USH2A: variants seen among roughly 807,000 people sequenced by gnomAD.
USH2A encodes Usher syndrome 2A (autosomal recessive, mild).
In USH2A, 443 loss-of-function variants were observed where a neutral mutation model predicts 538.9. That is an observed-to-expected ratio of 0.82 (90% CI 0.76 to 0.89). The LOEUF (loss-of-function observed/expected upper bound fraction) is 0.89, where lower values mean the gene tolerates loss of function less well. Among genes scored for constraint, USH2A ranks in the 40% least tolerant of loss-of-function variants. The probability of loss-of-function intolerance (pLI) is 0.00; values close to 1 mark genes in which losing one functional copy is unlikely to be tolerated. For missense variants in USH2A, 6,633 were observed against 6,324.8 expected (o/e 1.05, Z -1.65); for synonymous variants, 2,413 against 2,273.5 (o/e 1.06, Z -1.75).
intron 49 of USH2A, among the ~76,000 whole-genome samples, chr1:215,805,889 A>G (rs1255251013): frequency 6.6e-6 from 1 of 151,236 alleles, no homozygotes; most frequent in African/African-American, 2.4e-5. Flanking sequence ...GGGCACCTCT[A>G]TGTCTAGTCT....
intron 58 of USH2A, among the ~76,000 whole-genome samples, chr1:215,757,878 C>CCAA: frequency 1.3e-5 from 2 of 152,164 alleles, no homozygotes; most frequent in Non-Finnish European, 2.9e-5. Flanking sequence ...CCAAACTCCC[C>CCAA]ATTCACTGAT....
At chr1:216,038,617 G>T (rs2030107219) in intron 32 of USH2A, among the ~76,000 whole-genome samples, 1 of 151,890 alleles carries the variant, frequency 6.6e-6, no homozygotes, top group African/African-American at 2.4e-5. Flanking sequence ...AGCTTTACAG[G>T]GTGCTGACAA....
chr1:216,367,531 C>T (rs2038622578), intron 3 of USH2A, among the ~76,000 whole-genome samples: 1 of 152,084 alleles, frequency 6.6e-6, no homozygotes, highest in African/African-American at 2.4e-5. Context: ...AGTTCAGGAC[C>T]TTCTTTTTTA....
At chr1:215,952,005 C>T (rs1157613758) in intron 37 of USH2A, among the ~76,000 whole-genome samples, 1 of 151,384 alleles carries the variant, frequency 6.6e-6, no homozygotes, top group Non-Finnish European at 1.5e-5. Context: ...GCTGGGACTA[C>T]AGGCGCCCGC....
intron 11 of USH2A, among the ~76,000 whole-genome samples, chr1:216,273,306 G>T (rs1267759001): frequency 6.6e-6 from 1 of 152,036 alleles, no homozygotes; most frequent in African/African-American, 2.4e-5. Flanking sequence ...GGGAACTGAA[G>T]AGCCGAGGGC....
intron 11 of USH2A, among the ~76,000 whole-genome samples, chr1:216,286,757 A>AT: frequency 6.6e-6 from 1 of 151,724 alleles, no homozygotes; most frequent in Non-Finnish European, 1.5e-5. Context: ...ATAAAAACCT[A>AT]TTTTTCTTTA....
intron 56 of USH2A, among the ~76,000 whole-genome samples, chr1:215,761,242 T>C (rs1235403645): frequency 6.6e-6 from 1 of 152,226 alleles, no homozygotes; most frequent in East Asian, 1.9e-4. Context: ...TGTTCTCATA[T>C]GTTCTCATAG....
intron 64 of USH2A, among the ~76,000 whole-genome samples, chr1:215,663,977 T>C (rs1024028647): frequency 9.2e-5 from 14 of 152,068 alleles, no homozygotes; most frequent in Admixed American, 6.5e-4. Flanking sequence ...CAAGCTGAGA[T>C]GGGGCAAGGA....
intron 58 of USH2A, among the ~76,000 whole-genome samples, chr1:215,746,423 C>T (rs992720181): frequency 6.8e-6 from 1 of 146,044 alleles, no homozygotes; most frequent in Non-Finnish European, 1.5e-5. Context: ...CATATAGATG[C>T]ATAATAATAA....
chr1:216,043,219 C>T (rs1393930153), intron 32 of USH2A, among the ~76,000 whole-genome samples: 1 of 152,078 alleles, frequency 6.6e-6, no homozygotes, highest in Non-Finnish European at 1.5e-5. Context: ...TGATTACTGA[C>T]TAGAGTTTCT....
chr1:215,913,468 A>G (rs1036670815), intron 38 of USH2A, among the ~76,000 whole-genome samples: 19 of 152,078 alleles, frequency 1.2e-4, no homozygotes. Context: ...CGGAAGCTCT[A>G]TGGTGATCTC....
intron 40 of USH2A, among the ~76,000 whole-genome samples, chr1:215,891,713 A>G (rs964720111): frequency 6.6e-6 from 1 of 152,194 alleles, no homozygotes; most frequent in African/African-American, 2.4e-5. Context: ...AATTCTTAAA[A>G]TCTCTATATA....
intron 51 of USH2A, among the ~76,000 whole-genome samples, chr1:215,787,171 A>G (rs1661825914): frequency 6.6e-6 from 1 of 152,182 alleles, no homozygotes; most frequent in Non-Finnish European, 1.5e-5. Flanking sequence ...ACATGGAGAC[A>G]AAATTTACTA....
At chr1:215,704,094 C>T (rs189310434) in intron 61 of USH2A, among the ~76,000 whole-genome samples, 7 of 152,316 alleles carry the variant, frequency 4.6e-5, no homozygotes, top group Admixed American at 2.6e-4. Flanking sequence ...TTGCACTTCC[C>T]GGGTGAGGCG....
At position 215,671,199 on chromosome 1, in the gene USH2A, G is replaced by T. The variant is rs756258149; in HGVS notation, c.13906C>A (p.Pro4636Thr). Residue 4636 changes from proline to threonine, a missense_variant, in exon 64 of 72, where the codon CCC becomes ACC. Pro to Thr is a conservative substitution (Grantham distance 38, BLOSUM62 -1). Coordinates refer to ENST00000307340, the MANE Select transcript of USH2A (RefSeq NM_206933.4). ...ATTTGTACCTCCAGATGTGGAGGGGGTTGCATCAAAGGTGCAATCTCAGGG... is the reference window on the plus strand; with the variant it reads ...ATTTGTACCTCCAGATGTGGAGGGGTTTGCATCAAAGGTGCAATCTCAGGG... Reference protein sequence around the residue: ...QTPEIAPLMQPPPHLEVQMAP... With the variant: ...QTPEIAPLMQTPPHLEVQMAP... The T allele has an allele frequency of 1.2e-6, 2 of 1,614,142 alleles. No individual in the cohort carries two copies. The highest frequency in any genetic ancestry group is 8.5e-7 in the Non-Finnish European group (1 of 1,180,004).
chr1:216,205,567 A>G (rs772549508), intron 16 of USH2A, among the ~76,000 whole-genome samples: 2 of 152,228 alleles, frequency 1.3e-5, no homozygotes, highest in African/African-American at 4.8e-5. Flanking sequence ...TATGCGATGC[A>G]GGAGTTTTAA....
At chr1:216,175,196 A>G in intron 21 of USH2A, 56 bp downstream of exon 21, 1 of 1,608,600 alleles carries the variant, frequency 6.2e-7, no homozygotes, top group Non-Finnish European at 8.5e-7. Context: ...ATGAAAATAT[A>G]GAAAACATTT....
At chr1:216,396,934 C>T (rs1279352129) in intron 3 of USH2A, among the ~76,000 whole-genome samples, 1 of 152,146 alleles carries the variant, frequency 6.6e-6, no homozygotes, top group Non-Finnish European at 1.5e-5. Context: ...TTCTCTTCCC[C>T]CTGAAGTATT....
At chr1:216,354,327 A>G (rs1373795973) in intron 4 of USH2A, among the ~76,000 whole-genome samples, 1 of 152,176 alleles carries the variant, frequency 6.6e-6, no homozygotes, top group Non-Finnish European at 1.5e-5. Context: ...TTTATCATAC[A>G]ATAAAAATAT....
Sources: allele counts gnomAD v4.1 joint callset (sites outside exome capture counted in the v4.1 genomes callset), GRCh38; gene constraint gnomAD v4.1.1; transcripts MANE v1.5; gene names NCBI Gene and HGNC (gene_info 2026-07-23, HGNC 2026-07-21).